The following PCDHGA4 variants were observed in gnomAD, a reference collection of about 807,000 sequenced individuals.
The protein encoded by PCDHGA4 is protocadherin gamma-A4.
PCDHGA4 carries 38 observed loss-of-function variants against 54.6 expected under a neutral mutation model. The observed-to-expected ratio is 0.70, with a 90% confidence interval of 0.54 to 0.91. The LOEUF (loss-of-function observed/expected upper bound fraction) is 0.91, where lower values mean the gene tolerates loss of function less well. Ranked by LOEUF, PCDHGA4 falls within the 40% of genes least tolerant of loss-of-function variation. The pLI, the probability that PCDHGA4 is intolerant of heterozygous loss-of-function variation, is 0.00. For synonymous variants in PCDHGA4, 511 were observed against 512.9 expected, an observed-to-expected ratio of 1.00 and a Z score of 0.05; for missense variants, 1,298 against 1,220.9, an observed-to-expected ratio of 1.06 and a Z score of -0.94.
At chr5:141,403,172 C>G (rs1230059414) in intron 1 of PCDHGA4, 13 of 1,613,900 alleles carry the variant, frequency 8.1e-6, no homozygotes, top group Non-Finnish European at 1.1e-5. Flanking sequence ...TAGGACGCAG[C>G]TTTTCTCTCT....
intron 2 of PCDHGA4, among the ~76,000 whole-genome samples, chr5:141,495,912 CTT>C (rs1210428397): frequency 6.6e-6 from 1 of 152,140 alleles, no homozygotes; most frequent in Admixed American, 6.6e-5. Flanking sequence ...CTCTGTATAT[CTT>C]TCTTTGTCTC....
rs776975666 is a variant in PCDHGA4 at position 141,432,850 on chromosome 5, G to A, written c.2515-61957G>A. The A allele has an allele frequency of 6.2e-7, 1 of 1,614,170 alleles. No homozygotes were observed. The highest frequency in any genetic ancestry group is 1.1e-5 in the South Asian group (1 of 91,088). ...TCACTCTGTACCTGGTGGTAGCGGT[G>A]GCCGCGGTCTCCTGCGTCTTCCTGG... is the stretch of plus-strand genomic sequence containing the variant. On this transcript the variant is annotated intron_variant, in intron 1 of 3. Coordinates refer to ENST00000571252, the MANE Select transcript of PCDHGA4 (RefSeq NM_018917.4). The surrounding 1 kb of genome is among the most constrained non-coding windows in gnomAD (Gnocchi z 6.0).
At chr5:141,478,535 C>G (rs1359742091) in intron 1 of PCDHGA4, 1 of 1,607,794 alleles carries the variant, frequency 6.2e-7, no homozygotes, top group Non-Finnish European at 8.5e-7. Flanking sequence ...AGAGAGCGCC[C>G]CTCCCGGACA....
intron 2 of PCDHGA4, among the ~76,000 whole-genome samples, chr5:141,502,894 G>C (rs1342496006): frequency 6.8e-6 from 1 of 147,968 alleles, no homozygotes; most frequent in Non-Finnish European, 1.5e-5. Context: ...AGGGAGTCTA[G>C]CTCTGTTGCC....
At chr5:141,506,240 G>A (rs918820495) in intron 3 of PCDHGA4, among the ~76,000 whole-genome samples, 8 of 152,184 alleles carry the variant, frequency 5.3e-5, no homozygotes, top group Middle Eastern at 3.4e-3. Flanking sequence ...CATGAGGTCA[G>A]GAGTTCGAAA....
intron 1 of PCDHGA4, chr5:141,395,398 T>C (rs976008795): frequency 1.2e-6 from 1 of 863,780 alleles, no homozygotes; most frequent in East Asian, 2.8e-5. Context: ...TGAACTCTAA[T>C]AGTCATAGGT....
At position 141,356,626 on chromosome 5, in the gene PCDHGA4, G is replaced by A. The variant is rs1298780239; in HGVS notation, c.1519G>A (p.Ala507Thr). 1 of 1,614,166 alleles carries A rather than the reference G, an allele frequency of 6.2e-7. No homozygotes were observed. The change falls in exon 1 of 4, where the codon GCT (alanine) becomes ACT (threonine). Residue 507 changes from alanine (A) to threonine (T), a missense_variant. By Grantham distance (58) the Ala-to-Thr change is moderately conservative (BLOSUM62 0). Coordinates refer to ENST00000571252, the MANE Select transcript of PCDHGA4 (RefSeq NM_018917.4). ...PRGASILSMTAQDPDSGDNAR... is the reference protein window; with the variant it reads ...PRGASILSMTTQDPDSGDNAR... Reference sequence around the variant, plus strand: ...AGGAGCCTCCATCTTATCTATGACTGCTCAAGACCCTGACAGTGGTGACAA... The same window carrying A: ...AGGAGCCTCCATCTTATCTATGACTACTCAAGACCCTGACAGTGGTGACAA...
chr5:141,360,540 G>A (rs1761641770), intron 1 of PCDHGA4: 1 of 1,613,928 alleles, frequency 6.2e-7, no homozygotes, highest in East Asian at 2.2e-5. Flanking sequence ...TATTCAAACA[G>A]ACTAAGATTA....
At chr5:141,366,414 T>A (rs1294202579) in intron 1 of PCDHGA4, 1 of 1,614,124 alleles carries the variant, frequency 6.2e-7, no homozygotes, top group African/African-American at 1.3e-5. Context: ...TATCTTGTGG[T>A]GGCAGTGGCT....
chr5:141,355,767 T>G lies in PCDHGA4; in HGVS notation c.660T>G (p.Ile220Met), dbSNP rs1267055965. The G allele has an allele frequency of 1.2e-6, 2 of 1,613,898 alleles. No individual in the cohort carries two copies. The highest frequency in any genetic ancestry group is 4.5e-5 in the East Asian group (2 of 44,882). Reference protein sequence around the residue: ...SLDVQSGADGIKYPELVLERA... With the variant: ...SLDVQSGADGMKYPELVLERA... Reference sequence around the variant, plus strand: ...ACGTGCAAAGTGGGGCCGATGGGATTAAGTACCCAGAGCTGGTGCTGGAAC... The same window carrying G: ...ACGTGCAAAGTGGGGCCGATGGGATGAAGTACCCAGAGCTGGTGCTGGAAC... The change falls in exon 1 of 4, where the codon ATT becomes ATG. Residue 220 changes from isoleucine (I) to methionine (M), a missense_variant. Physicochemically the swap from Ile to Met is conservative, Grantham distance 10 (BLOSUM62 1). Transcript: ENST00000571252.
intron 1 of PCDHGA4, chr5:141,415,696 G>A (rs867312295): frequency 2.9e-6 from 4 of 1,397,470 alleles, no homozygotes; most frequent in Non-Finnish European, 3.8e-6. Flanking sequence ...GGTGGAAAGT[G>A]TAAATGCTAA....
chr5:141,509,577 C>G (rs569743928), intron 3 of PCDHGA4, among the ~76,000 whole-genome samples: 2 of 152,320 alleles, frequency 1.3e-5, no homozygotes, highest in African/African-American at 2.4e-5. Context: ...ACAGTGCGTA[C>G]AAATCAGCTG....
chr5:141,419,240 G>A lies in PCDHGA4; in HGVS notation c.2514+61619G>A, dbSNP rs753956971. On this transcript the variant is annotated intron_variant, in intron 1 of 3. Coordinates refer to ENST00000571252, the MANE Select transcript of PCDHGA4 (RefSeq NM_018917.4). ...CGGACAGTCAGCCTACCTGGTCCAC[G>A]TGCCAGAAAACAACCAGCCGGGTGC... is the stretch of plus-strand genomic sequence containing the variant. 6.8e-6 allele frequency: 11 copies of A among 1,613,862 alleles called. No individual in the cohort carries two copies. The highest frequency in any genetic ancestry group is 1.7e-5 in the Admixed American group (1 of 60,018).
Position 141,485,784 on chromosome 5 carries a change from A to G in PCDHGA4, c.2515-9023A>G, listed in dbSNP as rs760859851. The G allele has an allele frequency of 1.9e-6, 3 of 1,614,096 alleles. No individual in the cohort carries two copies. The African/African-American group carries it at 4.0e-5, about 22-fold the overall frequency. On this transcript the variant is annotated intron_variant, in intron 1 of 3. Transcript: ENST00000571252. This position sits in a 1 kb window ranked among gnomAD's most constrained non-coding sequence, Gnocchi z 5.7. Reference sequence around the variant, plus strand: ...CTGGAGAAGCCTTTGGATCGAGAGAAGCAATCGGACTACCGCCTGGTGCTG... The same window carrying G: ...CTGGAGAAGCCTTTGGATCGAGAGAGGCAATCGGACTACCGCCTGGTGCTG...
intron 1 of PCDHGA4, chr5:141,393,441 C>G: frequency 6.2e-7 from 1 of 1,614,070 alleles, no homozygotes; most frequent in African/African-American, 1.3e-5. Flanking sequence ...TGCTCACCAC[C>G]TGGTCCTCAC....
At chr5:141,362,214 T>G in intron 1 of PCDHGA4, 7 of 1,613,984 alleles carry the variant, frequency 4.3e-6, no homozygotes, top group Non-Finnish European at 5.9e-6. Context: ...TTTACCTGGT[T>G]GTGGCCTTGG....
chr5:141,501,618 T>G (rs1307485559), intron 2 of PCDHGA4, among the ~76,000 whole-genome samples: 2 of 152,068 alleles, frequency 1.3e-5, no homozygotes, highest in African/African-American at 4.8e-5. Flanking sequence ...GTGACTCTGG[T>G]ATAGTCTCTC....
At position 141,491,692 on chromosome 5, in the gene PCDHGA4, C is replaced by A. The variant is rs749349869; in HGVS notation, c.2515-3115C>A. The A allele has an allele frequency of 6.2e-7, 1 of 1,612,592 alleles. No homozygotes were observed. Among genetic ancestry groups the A allele is most frequent in the Non-Finnish European group, 8.5e-7 (1 of 1,179,338 alleles). On this transcript the variant is annotated intron_variant, in intron 1 of 3. Coordinates refer to ENST00000571252, the MANE Select transcript of PCDHGA4 (RefSeq NM_018917.4). This position sits in a 1 kb window ranked among gnomAD's most constrained non-coding sequence, Gnocchi z 6.9. ...GTCCCGCTCTAATACGCTGCGGGAG[C>A]GGAGCCAGGTGAGGGGCTCGGCGCC...
intron 1 of PCDHGA4, among the ~76,000 whole-genome samples, chr5:141,473,785 A>G (rs1240342191): frequency 6.6e-6 from 1 of 152,226 alleles, no homozygotes; most frequent in Non-Finnish European, 1.5e-5. Context: ...TTAATTCAAG[A>G]GCAGTATGAT....
Sources: allele counts gnomAD v4.1 joint callset (sites outside exome capture counted in the v4.1 genomes callset), GRCh38; gene constraint gnomAD v4.1.1; non-coding constraint Gnocchi (gnomAD v3.1); transcripts MANE v1.5; gene names NCBI Gene and HGNC (gene_info 2026-07-23, HGNC 2026-07-21).